The following CTR9 variants were observed in gnomAD, a reference collection of about 807,000 sequenced individuals.
CTR9 encodes the protein RNA polymerase-associated protein CTR9 homolog.
In CTR9, 41 loss-of-function variants were observed where a neutral mutation model predicts 152.1. The ratio of observed to expected loss-of-function variants is 0.27; its 90% CI spans 0.21 to 0.35. The LOEUF (loss-of-function observed/expected upper bound fraction) is 0.35, where lower values mean the gene tolerates loss of function less well. CTR9 is among the 10% of genes least tolerant of loss of function. CTR9 has a pLI of 1.00. For missense variants in CTR9, 917 were observed against 1,424.4 expected, an observed-to-expected ratio of 0.64 and a Z score of 5.73; for synonymous variants, 476 against 496.2, an observed-to-expected ratio of 0.96 and a Z score of 0.54.
In CTR9 at chr11:10,772,511, A is replaced by G; in HGVS notation, c.2445-9A>G. The G allele has an allele frequency of 6.9e-7, 1 of 1,441,456 alleles. No individual in the cohort carries two copies. Among genetic ancestry groups the G allele is most frequent in the East Asian group, 2.6e-5 (1 of 38,866 alleles). The allele number at this position is 1,441,456 out of a possible 1,614,324, so 89.3% of individuals were successfully genotyped here. A position where few individuals can be genotyped will look rare whatever the true frequency, so the allele number is the denominator to read the frequency against. The stretch of plus-strand genomic sequence containing the variant: ...ACATTCATGTTTCTCTAAACCTGAA[A>G]TGTTCTAGGCAGTGTTCTGACTTAC... On this transcript the variant is annotated splice_polypyrimidine_tract_variant and intron_variant, in intron 19 of 24. Transcript: ENST00000361367.
intron 3 of CTR9, 50 bp from the exon 4 acceptor site, chr11:10,755,628 A>G (rs1468749635): frequency 1.7e-6 from 2 of 1,161,604 alleles, no homozygotes; most frequent in Non-Finnish European, 2.5e-6. Flanking sequence ...TTAGTGTTAC[A>G]TGTTCATGGT....
rs1248784469 is a variant in CTR9, at chr11:10,755,034, A to T, written c.221A>T (p.Asp74Val). The T allele has an allele frequency of 1.9e-6, 3 of 1,613,980 alleles. No homozygotes were observed. Among genetic ancestry groups the T allele is most frequent in the South Asian group, 1.1e-5 (1 of 91,080 alleles). Residue 74 changes from aspartate (D) to valine (V), a missense_variant, in exon 3 of 25, where the codon GAC becomes GTC. Coordinates refer to ENST00000361367, the MANE Select transcript of CTR9 (RefSeq NM_014633.5). Reference protein sequence around the residue: ...LEAARIDGNLDYRDHEKDQMT... With the variant: ...LEAARIDGNLVYRDHEKDQMT... ...GCAGCACGTATAGATGGCAATTTGG[A>T]CTATAGAGACCATGAAAAAGACCAG...
chr11:10,775,086 T>C, intron 22 of CTR9, 121 bp from the exon 23 acceptor site: 10 of 737,410 alleles, frequency 1.4e-5, no homozygotes, highest in Non-Finnish European at 2.3e-5. Context: ...GTGTACAGTA[T>C]GATTGAGGAC....
chr11:10,769,767 TAAC>T (rs1863114196), intron 16 of CTR9, among the ~76,000 whole-genome samples: 1 of 152,214 alleles, frequency 6.6e-6, no homozygotes, highest in Non-Finnish European at 1.5e-5. Context: ...ACCAAGAAGT[TAAC>T]AACCAGAACT....
At position 10,755,761 on chromosome 11, in the gene CTR9, C is replaced by CA; in HGVS notation, c.470dup (p.Asn157LysfsTer6). The CA allele has an allele frequency of 1.2e-6, 2 of 1,612,558 alleles. No individual in the cohort carries two copies. Among genetic ancestry groups the CA allele is most frequent in the African/African-American group, 2.7e-5 (2 of 75,006 alleles). On this transcript the variant is annotated frameshift_variant, in exon 4 of 25. Coordinates refer to ENST00000361367, the MANE Select transcript of CTR9 (RefSeq NM_014633.5). LOFTEE classifies it high-confidence loss of function. ...CTGATGCACAGTTTCATTTTGTACT[C>CA]AATCAGTCTCCAAATAATATTCCAG...
chr11:10,776,058 A>G (rs964588648), intron 24 of CTR9, among the ~76,000 whole-genome samples: 1 of 152,000 alleles, frequency 6.6e-6, no homozygotes, highest in Non-Finnish European at 1.5e-5. Flanking sequence ...GAGATAGGCT[A>G]TTTCTTTTTA....
Position 10,775,101 on chromosome 11 carries a change from C to T in CTR9, c.2886-106C>T, listed in dbSNP as rs942397101. On this transcript the variant is annotated intron_variant, in intron 22 of 24. Coordinates refer to ENST00000361367, the MANE Select transcript of CTR9 (RefSeq NM_014633.5). ...GTGTACAGTATGATTGAGGACAGCA[C>T]CCATATAGAAGAGGATTCAGAATGA... 7 of 836,014 alleles carry T rather than the reference C, an allele frequency of 8.4e-6. No individual in the cohort carries two copies. In the African/African-American group the frequency reaches 1.2e-4, roughly 14 times the overall value. 51.8% of individuals were successfully genotyped at this position (836,014 alleles called of 1,614,324 possible). A position where few individuals can be genotyped will look rare whatever the true frequency, so the allele number is the denominator to read the frequency against.
At chr11:10,764,759 T>C (rs369531653) in intron 12 of CTR9, 28 bp downstream of exon 12, 2 of 1,545,586 alleles carry the variant, frequency 1.3e-6, no homozygotes, top group African/African-American at 2.7e-5. Context: ...CTTTATGTAA[T>C]GAAATCCGTT....
chr11:10,754,391 G>A lies in CTR9; in HGVS notation c.145-567G>A, dbSNP rs554504603. 3.8e-4 allele frequency among the ~76,000 whole-genome samples: 58 copies of A among 152,260 alleles called. 2 individuals are homozygous for A. The highest frequency in any genetic ancestry group is 1.9e-3 in the South Asian group (9 of 4,824). ...GCAGCAGATTGGGAACATTGTGAAT[G>A]ATTCCAGTTTTTTAAACAGTTTTAT... On this transcript the variant is annotated intron_variant, in intron 2 of 24. Transcript: ENST00000361367.
At chr11:10,766,123 T>C (rs1320367198) in intron 12 of CTR9, among the ~76,000 whole-genome samples, 1 of 152,204 alleles carries the variant, frequency 6.6e-6, no homozygotes, top group Admixed American at 6.5e-5. Context: ...TCCAAGCTTT[T>C]AAAATAACTT....
Position 10,777,921 on chromosome 11 carries a change from G to A in CTR9, c.3096-758G>A, listed in dbSNP as rs79108660. On this transcript the variant is annotated intron_variant, in intron 24 of 24. Coordinates refer to ENST00000361367, the MANE Select transcript of CTR9 (RefSeq NM_014633.5). Reference sequence around the variant, plus strand: ...AGAAGTGTGCCTGCTCCAAAGGAGCGGTCACCGTGGTTAAGGGAATGTTCT... The same window carrying A: ...AGAAGTGTGCCTGCTCCAAAGGAGCAGTCACCGTGGTTAAGGGAATGTTCT... Among the ~76,000 whole-genome samples, 845 of 152,292 alleles carry A rather than the reference G, an allele frequency of 5.5e-3. 2 individuals are homozygous for A. Among genetic ancestry groups the A allele is most frequent in the Non-Finnish European group, 7.9e-3 (536 of 68,016 alleles).
At chr11:10,761,796 TATAG>T (rs1177536589) in intron 6 of CTR9, 147 bp from the exon 7 acceptor site, 2 of 495,202 alleles carry the variant, frequency 4.0e-6, no homozygotes, top group African/African-American at 4.0e-5. Flanking sequence ...ACAAATGCAA[TATAG>T]ATATTTAAAA....
chr11:10,760,258 A>C lies in CTR9; in HGVS notation c.678A>C (p.Glu226Asp). ...KARLAFSRAL[E>D]LNSKCVGALV... ...GTCTGGCATTCAGCAGAGCCCTGGA[A>C]CTCAATTCCAAATGCGTGGGAGCAT... Residue 226 changes from glutamate to aspartate, a missense_variant, in exon 6 of 25, where the codon GAA becomes GAC. Around this residue, in one of 9 missense-constraint regions of CTR9, gnomAD observed 110 missense variants for 149.5 expected, o/e 0.74. Transcript: ENST00000361367. 1.2e-6 allele frequency: 2 copies of C among 1,614,074 alleles called. No homozygotes were observed. The highest frequency in any genetic ancestry group is 4.5e-5 in the East Asian group (2 of 44,880).
At chr11:10,770,720 C>A (rs1863130587) in intron 18 of CTR9, 88 bp downstream of exon 18, 3 of 1,274,054 alleles carry the variant, frequency 2.4e-6, no homozygotes, top group Non-Finnish European at 2.1e-6. Flanking sequence ...GTCTGAAATG[C>A]TTTGTTTAAA....
Position 10,768,076 on chromosome 11 carries a change from A to G in CTR9, c.1875A>G (p.Glu625=), listed in dbSNP as rs368481516. The G allele has an allele frequency of 1.2e-5, 20 of 1,614,000 alleles. No homozygotes were observed. The highest frequency in any genetic ancestry group is 1.6e-5 in the Non-Finnish European group (19 of 1,180,012). ...TTTAAGAGCACTTGTTTCTATAGGAAAAGCGTCATCAAGATCGTGCTCTGG... is the reference window on the plus strand; with the variant it reads ...TTTAAGAGCACTTGTTTCTATAGGAGAAGCGTCATCAAGATCGTGCTCTGG... ...LHQPTRDREK[E]KRHQDRALAI... The change falls in exon 15 of 25, where the codon GAA becomes GAG. Residue 625 remains glutamate (E), a splice_region_variant and synonymous_variant. Transcript: ENST00000361367.
intron 21 of CTR9, 110 bp downstream of exon 21, chr11:10,773,383 CT>C (rs1863175432): frequency 1.5e-6 from 2 of 1,325,642 alleles, no homozygotes; most frequent in Admixed American, 2.4e-5. Context: ...TTGACTTCCT[CT>C]TTTGTTAAGA....
At chr11:10,764,025 T>C (rs768066099) in intron 9 of CTR9, 87 bp from the exon 10 acceptor site, 4 of 1,407,376 alleles carry the variant, frequency 2.8e-6, no homozygotes, top group African/African-American at 1.4e-5. Flanking sequence ...AACAATGGAT[T>C]TATTAAACAG....
At position 10,778,705 on chromosome 11, in the gene CTR9, G is replaced by C. The variant is rs765771119; in HGVS notation, c.3122G>C (p.Ser1041Thr). The change falls in exon 25 of 25, where the codon AGT becomes ACT. Residue 1041 changes from serine (S) to threonine (T), a missense_variant. By Grantham distance (58) the Ser-to-Thr change is moderately conservative. Coordinates refer to ENST00000361367, the MANE Select transcript of CTR9 (RefSeq NM_014633.5). ...CATCCCAGGAACAGCAACAGCAACAGTGACTCAGACGAGGACGAACAACGA... is the reference window on the plus strand; with the variant it reads ...CATCCCAGGAACAGCAACAGCAACACTGACTCAGACGAGGACGAACAACGA... ...EGHPRNSNSN[S>T]DSDEDEQRKK... 7 of 1,613,018 alleles carry C rather than the reference G, an allele frequency of 4.3e-6. No individual in the cohort carries two copies. The South Asian group carries it at 7.7e-5, about 18-fold the overall frequency.
At chr11:10,765,829 G>A (rs1863050883) in intron 12 of CTR9, among the ~76,000 whole-genome samples, 1 of 152,198 alleles carries the variant, frequency 6.6e-6, no homozygotes, top group Non-Finnish European at 1.5e-5. Flanking sequence ...AAATAAGCAA[G>A]ATTTCAGTTG....
Sources: gnomAD v4.1 joint callset for allele counts (sites outside exome capture counted in the v4.1 genomes callset) on GRCh38, gnomAD v4.1.1 for gene constraint, gnomAD v4.1.1 regional missense constraint, MANE v1.5 for transcripts, NCBI Gene and HGNC (gene_info 2026-07-23, HGNC 2026-07-21) for gene names.